RBM38: variants seen among roughly 807,000 people sequenced by gnomAD.
RBM38 encodes the protein RNA-binding protein 38.
In RBM38, 11 loss-of-function variants were observed where a neutral mutation model predicts 23.5. The ratio of observed to expected loss-of-function variants is 0.47; its 90% CI spans 0.29 to 0.77. The LOEUF (loss-of-function observed/expected upper bound fraction) is 0.77. Among genes scored for constraint, RBM38 ranks in the 30% least tolerant of loss-of-function variants. The probability of loss-of-function intolerance (pLI) is 0.08; values close to 1 mark genes in which losing one functional copy is unlikely to be tolerated. For missense variants in RBM38, 330 were observed against 351.9 expected (o/e 0.94, Z 0.50); for synonymous variants, 165 against 166.1 (o/e 0.99, Z 0.05).
intron 3 of RBM38, among the ~76,000 whole-genome samples, chr20:57,402,870 C>T (rs1270914384): frequency 2.6e-5 from 4 of 152,266 alleles, no homozygotes; most frequent in South Asian, 2.1e-4. Flanking sequence ...TGTGGCCGCC[C>T]GGCGTGGGCA....
At chr20:57,404,795 G>A (rs976456698) in intron 3 of RBM38, among the ~76,000 whole-genome samples, 3 of 152,266 alleles carry the variant, frequency 2.0e-5, no homozygotes, top group Non-Finnish European at 2.9e-5. Context: ...CCTCCATGTG[G>A]GGTTGGGCCT....
intron 3 of RBM38, among the ~76,000 whole-genome samples, chr20:57,396,475 G>A (rs1200763508): frequency 6.6e-6 from 1 of 152,216 alleles, no homozygotes; most frequent in Non-Finnish European, 1.5e-5. Context: ...TTCTTGGGCT[G>A]AGGGCACCGG....
At chr20:57,393,700 C>A (rs570795297) in intron 3 of RBM38, among the ~76,000 whole-genome samples, 2 of 152,324 alleles carry the variant, frequency 1.3e-5, no homozygotes, top group South Asian at 2.1e-4. Flanking sequence ...TTGCTGATGA[C>A]TCTTAGGGAC....
intron 3 of RBM38, among the ~76,000 whole-genome samples, chr20:57,394,121 C>T (rs1320582298): frequency 6.6e-6 from 1 of 152,188 alleles, no homozygotes; most frequent in African/African-American, 2.4e-5. Flanking sequence ...GAAGGCAGCT[C>T]AGAGACCACC....
intron 3 of RBM38, among the ~76,000 whole-genome samples, chr20:57,401,900 G>T (rs77520466): frequency 6.6e-6 from 1 of 152,278 alleles, no homozygotes; most frequent in East Asian, 1.9e-4. Flanking sequence ...GGGTACAGTG[G>T]GAGGCAGCTG....
At chr20:57,401,899 G>T (rs1420091019) in intron 3 of RBM38, among the ~76,000 whole-genome samples, 1 of 152,182 alleles carries the variant, frequency 6.6e-6, no homozygotes, top group East Asian at 1.9e-4. Flanking sequence ...TGGGTACAGT[G>T]GGAGGCAGCT....
intron 2 of RBM38, 66 bp downstream of exon 2, chr20:57,392,843 G>A (rs903440347): frequency 6.4e-7 from 1 of 1,571,898 alleles, no homozygotes; most frequent in East Asian, 2.2e-5. Context: ...TATCTGTCGG[G>A]TGGAAAGAGG....
intron 3 of RBM38, among the ~76,000 whole-genome samples, chr20:57,404,219 T>C (rs960429943): frequency 2.0e-5 from 3 of 152,206 alleles, no homozygotes; most frequent in African/African-American, 7.2e-5. Flanking sequence ...CAGGCACTTG[T>C]GTTCTGTGTC....
At chr20:57,392,848 A>G in intron 2 of RBM38, 71 bp downstream of exon 2, 1 of 1,567,178 alleles carries the variant, frequency 6.4e-7, no homozygotes, top group Non-Finnish European at 8.7e-7. Context: ...GTCGGGTGGA[A>G]AGAGGCCCCC....
intron 3 of RBM38, among the ~76,000 whole-genome samples, chr20:57,404,149 CGATAGAAATGACG>C (rs1487133943): frequency 1.3e-5 from 2 of 152,190 alleles, no homozygotes; most frequent in Non-Finnish European, 2.9e-5. Flanking sequence ...CATCAGAACC[CGATAGAAATGACG>C]CAGCCCTCGA....
In RBM38 at chr20:57,408,961, G is replaced by A. The variant is rs1020343714; in HGVS notation, c.*1115G>A. On this transcript the variant is annotated 3_prime_UTR_variant, in exon 4 of 4. Coordinates refer to ENST00000356208, the MANE Select transcript of RBM38 (RefSeq NM_017495.6). ...CAGCTCTGCCCGCTGGAGCGGTTGA[G>A]TGCAGAAGGGTGCGCCTCTTCCCTC... 3 of 152,852 alleles carry A rather than the reference G, an allele frequency of 2.0e-5. No individual in the cohort carries two copies. Among genetic ancestry groups the A allele is most frequent in the Non-Finnish European group, 4.4e-5 (3 of 68,180 alleles). 9.5% of individuals were successfully genotyped at this position (152,852 alleles called of 1,614,324 possible).
intron 1 of RBM38, chr20:57,392,268 T>A (rs1381808963): frequency 2.2e-5 from 10 of 463,476 alleles, no homozygotes; most frequent in Non-Finnish European, 3.8e-5. Context: ...TGAAGACACT[T>A]TCCTGCTTAC....
chr20:57,401,232 A>G (rs1470981365), intron 3 of RBM38, among the ~76,000 whole-genome samples: 1 of 152,216 alleles, frequency 6.6e-6, no homozygotes, highest in Non-Finnish European at 1.5e-5. Flanking sequence ...TGGGGTGCAC[A>G]GAAGCAATAG....
chr20:57,392,012 G>GCCCCCC (rs1296014122), intron 1 of RBM38, among the ~76,000 whole-genome samples, 194 bp downstream of exon 1: 1 of 79,586 alleles, frequency 1.3e-5, no homozygotes, highest in African/African-American at 5.4e-5. Flanking sequence ...CCAGGCCCCG[G>GCCCCCC]CCCCCACCCC....
chr20:57,392,623 G>A, intron 1 of RBM38, 31 bp from the exon 2 acceptor site: 1 of 1,594,886 alleles, frequency 6.3e-7, no homozygotes, highest in Non-Finnish European at 8.5e-7. Flanking sequence ...TTCCCCCCAC[G>A]GCAGCCCCTG....
In RBM38 at chr20:57,408,138, C is replaced by G; in HGVS notation, c.*292C>G. The stretch of plus-strand genomic sequence containing the variant: ...CCATGGCAGCCTCTCCTTGCACCTT[C>G]TCCTGCCTCTCCACACTCCAGGTTC... On this transcript the variant is annotated 3_prime_UTR_variant, in exon 4 of 4. Coordinates refer to ENST00000356208, the MANE Select transcript of RBM38 (RefSeq NM_017495.6). The G allele has an allele frequency of 2.1e-6, 1 of 487,612 alleles. No individual in the cohort carries two copies. Among genetic ancestry groups the G allele is most frequent in the Non-Finnish European group, 3.8e-6 (1 of 265,968 alleles). The allele number at this position is 487,612 out of a possible 1,614,324, so 30.2% of individuals were successfully genotyped here.
Position 57,407,577 on chromosome 20 carries a change from G to C in RBM38, c.451G>C (p.Val151Leu), listed in dbSNP as rs1214672546. ...TPHYIYPPAI[V>L]QPSVVIPAAP... ...GCACTACATCTACCCACCAGCCATC[G>C]TGCAGCCCAGCGTGGTGATCCCAGC... is the stretch of plus-strand genomic sequence containing the variant. The change falls in exon 4 of 4, where the codon GTG (valine) becomes CTG (leucine). Residue 151 changes from valine to leucine, a missense_variant. By Grantham distance (32) the Val-to-Leu change is conservative (BLOSUM62 1). This residue lies in a region of RBM38 where 227 missense variants were observed against 216.4 expected (regional missense o/e 1.05). Coordinates refer to ENST00000356208, the MANE Select transcript of RBM38 (RefSeq NM_017495.6). This position sits in a 1 kb window ranked among gnomAD's most constrained non-coding sequence, Gnocchi z 4.0. 5 of 1,613,734 alleles carry C rather than the reference G, an allele frequency of 3.1e-6. No individual in the cohort carries two copies. Among genetic ancestry groups the C allele is most frequent in the East Asian group, 2.2e-5 (1 of 44,884 alleles).
At chr20:57,396,346 C>T (rs1338805776) in intron 3 of RBM38, among the ~76,000 whole-genome samples, 1 of 152,210 alleles carries the variant, frequency 6.6e-6, no homozygotes, top group African/African-American at 2.4e-5. Flanking sequence ...TGTCTGCCAG[C>T]TGAGTGTGTC....
intron 1 of RBM38, 85 bp downstream of exon 1, chr20:57,391,903 CAGACG>C: frequency 1.0e-6 from 1 of 993,382 alleles, no homozygotes; most frequent in South Asian, 3.9e-5. Context: ...GGCACACGCC[CAGACG>C]GCCCGCTGCC....
Sources: allele counts gnomAD v4.1 joint callset (sites outside exome capture counted in the v4.1 genomes callset), GRCh38; gene constraint gnomAD v4.1.1; regional missense constraint gnomAD v4.1.1; non-coding constraint Gnocchi (gnomAD v3.1); transcripts MANE v1.5; gene names NCBI Gene and HGNC (gene_info 2026-07-23, HGNC 2026-07-21).